The following APP variants were observed in gnomAD, a reference collection of about 807,000 sequenced individuals.
APP encodes the protein amyloid beta precursor protein.
In APP, 31 loss-of-function variants were observed where a neutral mutation model predicts 101.4. That is an observed-to-expected ratio of 0.31 (90% confidence interval 0.23 to 0.41). The LOEUF (loss-of-function observed/expected upper bound fraction) is 0.41, where lower values mean the gene tolerates loss of function less well. APP is among the 10% of genes least tolerant of loss of function. The probability of loss-of-function intolerance (pLI) is 1.00; values close to 1 mark genes in which losing one functional copy is unlikely to be tolerated. For missense variants in APP, 839 were observed against 1,003.7 expected (o/e 0.84, Z 2.22); for synonymous variants, 366 against 364.4 (o/e 1.00, Z -0.05).
At chr21:26,129,439 A>G (rs1344600277) in intron 1 of APP, among the ~76,000 whole-genome samples, 1 of 151,888 alleles carries the variant, frequency 6.6e-6, no homozygotes, top group Non-Finnish European at 1.5e-5. Context: ...CATGTATTCC[A>G]GCCTGGGTGA....
intron 6 of APP, among the ~76,000 whole-genome samples, chr21:26,012,014 C>CT (rs35339887): frequency 1.2e-3 from 173 of 145,848 alleles, no homozygotes; most frequent in Middle Eastern, 7.1e-3. Flanking sequence ...CTGCCTTAAT[C>CT]TTTTTTTTTT....
chr21:26,081,128 T>C (rs1238503912), intron 3 of APP, among the ~76,000 whole-genome samples: 1 of 152,202 alleles, frequency 6.6e-6, no homozygotes, highest in East Asian at 1.9e-4. Context: ...ACACAACTAT[T>C]CACTTATGTT....
At chr21:26,043,983 C>T (rs189592094) in intron 5 of APP, among the ~76,000 whole-genome samples, 111 of 152,094 alleles carry the variant, frequency 7.3e-4, no homozygotes, top group African/African-American at 2.5e-3. Flanking sequence ...ATTTATCATC[C>T]GAAGAATTAT....
At chr21:25,968,874 G>C (rs543012413) in intron 11 of APP, among the ~76,000 whole-genome samples, 5 of 152,190 alleles carry the variant, frequency 3.3e-5, no homozygotes, top group African/African-American at 7.2e-5. Context: ...CGACACTTTT[G>C]ATTTACTTAT....
At chr21:25,902,927 A>C (rs2038583930) in intron 15 of APP, among the ~76,000 whole-genome samples, 1 of 152,178 alleles carries the variant, frequency 6.6e-6, no homozygotes. Context: ...TCATATTCTT[A>C]CTGTTATGAG....
At chr21:26,071,041 C>T (rs895588538) in intron 3 of APP, among the ~76,000 whole-genome samples, 3 of 152,116 alleles carry the variant, frequency 2.0e-5, no homozygotes, top group Non-Finnish European at 4.4e-5. Flanking sequence ...AAATTGTACA[C>T]ACCAGGCAAA....
chr21:26,040,206 T>G lies in APP; in HGVS notation c.662+10794A>C, dbSNP rs1295800279. 2.0e-5 allele frequency among the ~76,000 whole-genome samples: 3 copies of G among 152,222 alleles called. No homozygotes were observed. In the East Asian group the frequency reaches 5.8e-4, roughly 29 times the overall value. On this transcript the variant is annotated intron_variant, in intron 5 of 17. Coordinates refer to ENST00000346798, the MANE Select transcript of APP (RefSeq NM_000484.4). ...ACATAATTTTCTACGTTTGCTGTCA[T>G]GTCAGTGCTCAAAACATTTTGGATT...
intron 7 of APP, among the ~76,000 whole-genome samples, chr21:25,998,390 G>GAA (rs377532580): frequency 2.2e-4 from 24 of 110,028 alleles, no homozygotes; most frequent in African/African-American, 4.0e-4. Context: ...ATCAGAGCCA[G>GAA]AAAAAAAAAA....
At chr21:26,158,764 C>T (rs982638989) in intron 1 of APP, among the ~76,000 whole-genome samples, 4 of 152,194 alleles carry the variant, frequency 2.6e-5, no homozygotes, top group African/African-American at 9.7e-5. Flanking sequence ...TTTTTTCTGT[C>T]TGGGAAGCCC....
intron 6 of APP, among the ~76,000 whole-genome samples, chr21:26,005,370 T>A (rs925450721): frequency 1.3e-5 from 2 of 152,194 alleles, no homozygotes; most frequent in South Asian, 2.1e-4. Context: ...GCCAAAATAG[T>A]GCCACTGCAC....
chr21:26,088,269 T>C (rs192700835), intron 3 of APP, among the ~76,000 whole-genome samples: 1 of 152,212 alleles, frequency 6.6e-6, no homozygotes, highest in Non-Finnish European at 1.5e-5. Context: ...TAAATAACAA[T>C]CTTAATGTGG....
At chr21:26,004,975 C>T (rs573362393) in intron 6 of APP, among the ~76,000 whole-genome samples, 4 of 152,140 alleles carry the variant, frequency 2.6e-5, no homozygotes, top group East Asian at 1.9e-4. Context: ...CTACAAAGGA[C>T]GTGAACTCAT....
Position 25,896,684 on chromosome 21 carries a change from G to T in APP, c.2064+889C>A, listed in dbSNP as rs184521485. On this transcript the variant is annotated intron_variant, in intron 16 of 17. Transcript: ENST00000346798. ...GACCACAAAGGAGATGTGGCTTTTT[G>T]ATTTACTCCAATTCTAACATTAGGG... is the stretch of plus-strand genomic sequence containing the variant. Among the ~76,000 whole-genome samples, 443 of 152,188 alleles carry T rather than the reference G, an allele frequency of 2.9e-3. 3 individuals carry two copies. The highest frequency in any genetic ancestry group is 0.01 in the African/African-American group (427 of 41,516).
In APP at chr21:26,115,902, C is replaced by T. The variant is rs889680218; in HGVS notation, c.58-3756G>A. Among the ~76,000 whole-genome samples, 20 of 152,158 alleles carry T rather than the reference C, an allele frequency of 1.3e-4. 1 individual carries two copies. Among genetic ancestry groups the T allele is most frequent in the Admixed American group, 1.3e-3 (20 of 15,268 alleles). On this transcript the variant is annotated intron_variant, in intron 1 of 17. Coordinates refer to ENST00000346798, the MANE Select transcript of APP (RefSeq NM_000484.4). ...GGGAAATATAACCACTTAACTACTACATTTTAGTTCTATTTATGTCTTAAC... is the reference window on the plus strand; with the variant it reads ...GGGAAATATAACCACTTAACTACTATATTTTAGTTCTATTTATGTCTTAAC...
intron 3 of APP, among the ~76,000 whole-genome samples, chr21:26,072,690 T>C (rs1394711115): frequency 6.6e-6 from 1 of 152,208 alleles, no homozygotes; most frequent in African/African-American, 2.4e-5. Context: ...TAGTTGATTC[T>C]GGTGCTAGTC....
chr21:26,100,874 C>T (rs929734074), intron 2 of APP, among the ~76,000 whole-genome samples: 2 of 152,268 alleles, frequency 1.3e-5, no homozygotes, highest in Non-Finnish European at 2.9e-5. Flanking sequence ...GATAAAGCCA[C>T]GTTCACCTAA....
intron 13 of APP, among the ~76,000 whole-genome samples, chr21:25,948,730 C>T (rs2040938196): frequency 6.6e-6 from 1 of 152,174 alleles, no homozygotes; most frequent in Non-Finnish European, 1.5e-5. Flanking sequence ...GAGAAGCACA[C>T]TTTGATAAAT....
At chr21:26,141,595 G>C (rs891966231) in intron 1 of APP, among the ~76,000 whole-genome samples, 3 of 152,160 alleles carry the variant, frequency 2.0e-5, no homozygotes, top group Non-Finnish European at 4.4e-5. Context: ...CAGAGCCTCT[G>C]AAAACATCTG....
chr21:25,977,343 A>G (rs1324425846), intron 9 of APP, among the ~76,000 whole-genome samples: 1 of 152,250 alleles, frequency 6.6e-6, no homozygotes, highest in Admixed American at 6.5e-5. Context: ...TCAAGGAAAC[A>G]AAATATTGGT....
Sources: gnomAD v4.1 joint callset for allele counts (sites outside exome capture counted in the v4.1 genomes callset) on GRCh38, gnomAD v4.1.1 for gene constraint, MANE v1.5 for transcripts, NCBI Gene and HGNC (gene_info 2026-07-23, HGNC 2026-07-21) for gene names.